Variants in FOXP1 observed in about 807,000 individuals in gnomAD.
FOXP1 encodes the protein forkhead box P1.
In FOXP1, 15 loss-of-function variants were observed where a neutral mutation model predicts 98.2. The ratio of observed to expected loss-of-function variants is 0.15; its 90% CI spans 0.10 to 0.24. FOXP1 has a LOEUF of 0.24. Ranked by LOEUF, FOXP1 falls within the 10% of genes least tolerant of loss-of-function variation. The probability of loss-of-function intolerance (pLI) is 1.00; values close to 1 mark genes in which losing one functional copy is unlikely to be tolerated. For synonymous variants in FOXP1, 371 were observed against 314.5 expected (o/e 1.18, Z -1.90); for missense variants, 633 against 848.5 (o/e 0.75, Z 3.15).
intron 3 of FOXP1, among the ~76,000 whole-genome samples, chr3:71,487,572 T>C (rs1345317395): frequency 1.3e-5 from 2 of 152,136 alleles, no homozygotes; most frequent in Non-Finnish European, 2.9e-5. Flanking sequence ...CTACACTCAG[T>C]AAAGGAAAGA....
At chr3:71,481,311 G>A (rs939313745) in intron 3 of FOXP1, among the ~76,000 whole-genome samples, 5 of 152,156 alleles carry the variant, frequency 3.3e-5, no homozygotes, top group Admixed American at 2.6e-4. Flanking sequence ...AGAGAGATAT[G>A]ACCTACCCAA....
intron 5 of FOXP1, among the ~76,000 whole-genome samples, chr3:71,251,514 C>T (rs1576597673): frequency 6.6e-6 from 1 of 152,326 alleles, no homozygotes; most frequent in Non-Finnish European, 1.5e-5. Context: ...GTTTCTTTCG[C>T]AATGGGCAAA....
At chr3:71,063,533 C>T (rs1242501024) in intron 7 of FOXP1, among the ~76,000 whole-genome samples, 1 of 152,222 alleles carries the variant, frequency 6.6e-6, no homozygotes, top group African/African-American at 2.4e-5. Flanking sequence ...AACAGCAAAA[C>T]AGGGCCGCTT....
chr3:70,992,716 A>T (rs1307366795), intron 13 of FOXP1, among the ~76,000 whole-genome samples: 1 of 152,216 alleles, frequency 6.6e-6, no homozygotes, highest in East Asian at 1.9e-4. Flanking sequence ...CATTTAAAGC[A>T]GACGCACACT....
chr3:70,975,363 C>T (rs1165894713), intron 17 of FOXP1, among the ~76,000 whole-genome samples: 1 of 152,044 alleles, frequency 6.6e-6, no homozygotes, highest in South Asian at 2.1e-4. Flanking sequence ...AACATAGGTT[C>T]CCTTCAGTGC....
intron 3 of FOXP1, among the ~76,000 whole-genome samples, chr3:71,448,191 G>A (rs2108488682): frequency 6.6e-6 from 1 of 152,200 alleles, no homozygotes; most frequent in South Asian, 2.1e-4. Flanking sequence ...TAGTCTATCA[G>A]GAGATCTTTA....
At chr3:71,005,061 T>C (rs1246281244) in intron 12 of FOXP1, among the ~76,000 whole-genome samples, 3 of 152,056 alleles carry the variant, frequency 2.0e-5, no homozygotes, top group East Asian at 3.9e-4. Context: ...TATAAAATCT[T>C]GCTAAAATAC....
intron 9 of FOXP1, among the ~76,000 whole-genome samples, chr3:71,051,637 G>A (rs2049907275): frequency 6.6e-6 from 1 of 152,132 alleles, no homozygotes; most frequent in Admixed American, 6.6e-5. Flanking sequence ...ATCCCAAGGA[G>A]AACACTTAAA....
chr3:71,286,528 A>C (rs2072158334), intron 5 of FOXP1, among the ~76,000 whole-genome samples: 1 of 152,198 alleles, frequency 6.6e-6, no homozygotes, highest in Non-Finnish European at 1.5e-5. Context: ...AACTATAAAC[A>C]AATTTATATT....
chr3:71,014,884 C>G (rs756649077), intron 12 of FOXP1, among the ~76,000 whole-genome samples: 4 of 151,914 alleles, frequency 2.6e-5, no homozygotes, highest in Admixed American at 6.6e-5. Flanking sequence ...AGCAAACTAT[C>G]GCAAGGACAG....
chr3:71,053,620 G>A lies in FOXP1; in HGVS notation c.420+16C>T. 6.2e-7 allele frequency: 1 copy of A among 1,613,970 alleles called. No homozygotes were observed. Among genetic ancestry groups the A allele is most frequent in the Admixed American group, 1.7e-5 (1 of 60,026 alleles). ...TTCTGGGGGAGACAGGCTGGAGGTG[G>A]AGGAAGGACAATTACCTGTTGAAGC... On this transcript the variant is annotated intron_variant, in intron 8 of 20. Transcript: ENST00000649528.
rs769619137 is a variant in FOXP1 at position 71,130,657 on chromosome 3, A to G, written c.181-18020T>C. 5 of 1,595,572 alleles carry G rather than the reference A, an allele frequency of 3.1e-6. No homozygotes were observed. The South Asian group carries it at 5.5e-5, about 18-fold the overall frequency. On this transcript the variant is annotated intron_variant, in intron 6 of 20. Transcript: ENST00000649528. ...AGGAAGTACTGTGCGGCTGAAGCAC[A>G]CTCGAAGAGAAAACACACTGGAACA...
intron 3 of FOXP1, among the ~76,000 whole-genome samples, chr3:71,407,310 G>T (rs952612658): frequency 2.0e-5 from 3 of 152,110 alleles, no homozygotes; most frequent in African/African-American, 7.2e-5. Flanking sequence ...AGGCTGGGGT[G>T]GGGGGTGGCG....
intron 7 of FOXP1, among the ~76,000 whole-genome samples, chr3:71,097,560 T>C (rs576235081): frequency 2.0e-4 from 30 of 152,284 alleles, no homozygotes; most frequent in African/African-American, 7.2e-4. Flanking sequence ...AAATAGTTTA[T>C]ACATACAAAC....
At chr3:71,487,685 G>A (rs1444098755) in intron 3 of FOXP1, among the ~76,000 whole-genome samples, 1 of 152,180 alleles carries the variant, frequency 6.6e-6, no homozygotes, top group African/African-American at 2.4e-5. Context: ...CTCTAATTTA[G>A]CCAAAAGGTT....
intron 2 of FOXP1, among the ~76,000 whole-genome samples, chr3:71,567,658 C>CT (rs1365982080): frequency 1.3e-5 from 2 of 152,154 alleles, no homozygotes; most frequent in African/African-American, 4.8e-5. Context: ...TTCTGTAAGC[C>CT]TTGGGTCAAC....
At chr3:71,003,424 T>A (rs1440952351) in intron 12 of FOXP1, among the ~76,000 whole-genome samples, 1 of 136,766 alleles carries the variant, frequency 7.3e-6, no homozygotes, top group African/African-American at 3.1e-5. Context: ...AGACTCCTTA[T>A]TTTTTTTTTT....
At chr3:71,519,695 A>G (rs539685414) in intron 2 of FOXP1, among the ~76,000 whole-genome samples, 40 of 152,376 alleles carry the variant, frequency 2.6e-4, no homozygotes, top group African/African-American at 9.4e-4. Flanking sequence ...CCTCAAAGAA[A>G]CAAACTAAAA....
chr3:71,385,161 T>TC (rs1231572526), intron 3 of FOXP1, among the ~76,000 whole-genome samples: 1 of 151,736 alleles, frequency 6.6e-6, no homozygotes, highest in Non-Finnish European at 1.5e-5. Flanking sequence ...GCAATGCTTC[T>TC]CATATGCATT....
Sources: allele counts gnomAD v4.1 joint callset (sites outside exome capture counted in the v4.1 genomes callset), GRCh38; gene constraint gnomAD v4.1.1; transcripts MANE v1.5; gene names NCBI Gene and HGNC (gene_info 2026-07-23, HGNC 2026-07-21).